The following TMEM156 variants were observed in gnomAD, a reference collection of about 807,000 sequenced individuals.
TMEM156 encodes the protein transmembrane protein 156.
TMEM156 carries 28 observed loss-of-function variants against 30.5 expected under a neutral mutation model. The ratio of observed to expected loss-of-function variants is 0.92; its 90% CI spans 0.68 to 1.26. The LOEUF is 1.26. Ranked by LOEUF, TMEM156 falls within the 50% of genes most tolerant of loss-of-function variation. The pLI, the probability that TMEM156 is intolerant of heterozygous loss-of-function variation, is 0.00. For synonymous variants in TMEM156, 137 were observed against 119.9 expected, an observed-to-expected ratio of 1.14 and a Z score of -0.93; for missense variants, 351 against 340.6, an observed-to-expected ratio of 1.03 and a Z score of -0.24.
intron 4 of TMEM156, among the ~76,000 whole-genome samples, chr4:38,987,406 T>C (rs1406668123): frequency 6.6e-6 from 1 of 152,212 alleles, no homozygotes; most frequent in Non-Finnish European, 1.5e-5. Flanking sequence ...TAAACAGTAT[T>C]GATTATGTTA....
chr4:38,986,853 G>GAAAAAAAAAAAAAAAAAA, intron 4 of TMEM156, among the ~76,000 whole-genome samples: 1 of 84,124 alleles, frequency 1.2e-5, no homozygotes, highest in Non-Finnish European at 2.4e-5. Context: ...AAAAAAAAAG[G>GAAAAAAAAAAAAAAAAAA]AAAGCGACAG....
At chr4:39,014,794 T>C (rs1263991507) in intron 1 of TMEM156, among the ~76,000 whole-genome samples, 4 of 150,820 alleles carry the variant, frequency 2.7e-5, no homozygotes, top group Non-Finnish European at 1.5e-5. Context: ...AATTTCCCAG[T>C]AAATAAAATT....
chr4:38,968,825 T>G (rs565639579), intron 6 of TMEM156, among the ~76,000 whole-genome samples: 1 of 152,258 alleles, frequency 6.6e-6, no homozygotes, highest in Admixed American at 6.5e-5. Context: ...TGGATCCCTT[T>G]GGCTGCCTCT....
chr4:38,980,794 T>C (rs760336887), intron 5 of TMEM156: 237 of 310,984 alleles, frequency 7.6e-4, no homozygotes, highest in Non-Finnish European at 1.0e-3. Context: ...GGGAGCAGGT[T>C]TGTAGAGGGT....
intron 1 of TMEM156, among the ~76,000 whole-genome samples, chr4:39,008,883 A>G (rs1185339906): frequency 6.6e-6 from 1 of 152,140 alleles, no homozygotes; most frequent in Non-Finnish European, 1.5e-5. Context: ...ACCCAAAGCT[A>G]TCAGAAACAA....
chr4:39,013,106 C>T (rs1349775176), intron 1 of TMEM156, among the ~76,000 whole-genome samples: 2 of 151,418 alleles, frequency 1.3e-5, no homozygotes, highest in African/African-American at 4.8e-5. Flanking sequence ...CGCGGCCAGT[C>T]TGGGTAACAA....
intron 1 of TMEM156, among the ~76,000 whole-genome samples, chr4:39,016,316 T>C (rs1714478946): frequency 6.7e-6 from 1 of 150,042 alleles, no homozygotes; most frequent in African/African-American, 2.5e-5. Flanking sequence ...GAGGTTGCAG[T>C]GAGCTGAGAT....
In TMEM156 at chr4:39,029,764, C is replaced by A. The variant is rs111849542; in HGVS notation, c.88+2462G>T. 3.6e-3 allele frequency among the ~76,000 whole-genome samples: 461 copies of A among 128,626 alleles called. 13 individuals are homozygous for A. Among genetic ancestry groups the A allele is most frequent in the Non-Finnish European group, 4.4e-3 (239 of 54,196 alleles). The allele number at this position is 128,626 out of a possible 152,430, so 84.4% of individuals were successfully genotyped here. On this transcript the variant is annotated intron_variant, in intron 1 of 6. Coordinates refer to ENST00000381938, the MANE Select transcript of TMEM156 (RefSeq NM_024943.3). ...AAGAACTAATTTTTAAAAACCAAGA[C>A]AATTATGTCCAAGTTTTCTTCATTT...
intron 1 of TMEM156, among the ~76,000 whole-genome samples, chr4:39,013,216 G>A (rs1714240112): frequency 6.6e-6 from 1 of 150,972 alleles, no homozygotes; most frequent in Non-Finnish European, 1.5e-5. Flanking sequence ...TGGGAGGATG[G>A]TTTGAGCCTG....
At chr4:39,028,772 T>C (rs1372953449) in intron 1 of TMEM156, among the ~76,000 whole-genome samples, 1 of 152,178 alleles carries the variant, frequency 6.6e-6, no homozygotes, top group Non-Finnish European at 1.5e-5. Flanking sequence ...TATCCACCAC[T>C]CCCTTTTGTA....
intron 3 of TMEM156, among the ~76,000 whole-genome samples, chr4:38,989,857 T>C (rs1238587281): frequency 1.3e-5 from 2 of 152,184 alleles, no homozygotes; most frequent in African/African-American, 4.8e-5. Flanking sequence ...TGGAGTGCAA[T>C]GGCGCGATCT....
chr4:38,982,560 T>C (rs1486927492), intron 5 of TMEM156, among the ~76,000 whole-genome samples: 1 of 152,246 alleles, frequency 6.6e-6, no homozygotes, highest in Non-Finnish European at 1.5e-5. Flanking sequence ...CCGCTCTTTT[T>C]ACTCTATACT....
At chr4:38,994,513 G>T (rs1712781527) in intron 2 of TMEM156, among the ~76,000 whole-genome samples, 1 of 152,176 alleles carries the variant, frequency 6.6e-6, no homozygotes, top group Admixed American at 6.5e-5. Flanking sequence ...GCATCTAAAA[G>T]AAAATACACA....
chr4:38,991,892 C>CTCAA (rs1712492278), intron 3 of TMEM156, among the ~76,000 whole-genome samples: 1 of 152,130 alleles, frequency 6.6e-6, no homozygotes, highest in African/African-American at 2.4e-5. Context: ...TCATTCACTC[C>CTCAA]TCAATCAGAG....
chr4:38,986,369 T>C lies in TMEM156; in HGVS notation c.790A>G (p.Lys264Glu). 1 of 1,613,994 alleles carries C rather than the reference T, an allele frequency of 6.2e-7. No homozygotes were observed. Among genetic ancestry groups the C allele is most frequent in the Admixed American group, 1.7e-5 (1 of 60,008 alleles). The change falls in exon 5 of 7, where the codon AAA becomes GAA. Residue 264 changes from lysine to glutamate, a missense_variant. Coordinates refer to ENST00000381938, the MANE Select transcript of TMEM156 (RefSeq NM_024943.3). The stretch of plus-strand genomic sequence containing the variant: ...ACCTGCACATTCAATGCTCTCAGTT[T>C]CTCCGAATCACTTCCTCTTAAGAGA... ...SVLLRGSDSE[K>E]LRALNVQVLS...
chr4:38,999,110 A>ATTTATTTTTTTTTTTTTTTTTTTTT (rs1560372037), intron 1 of TMEM156, among the ~76,000 whole-genome samples: 1 of 106,110 alleles, frequency 9.4e-6, no homozygotes, highest in Non-Finnish European at 1.9e-5. Flanking sequence ...TTATTTATTT[A>ATTTATTTTTTTTTTTTTTTTTTTTT]TTTTTTTTTT....
intron 5 of TMEM156, among the ~76,000 whole-genome samples, chr4:38,972,499 C>T (rs1224621402): frequency 2.0e-5 from 3 of 151,588 alleles, no homozygotes; most frequent in Admixed American, 6.6e-5. Context: ...GATCCACCTG[C>T]CTCGGCCTCC....
intron 1 of TMEM156, among the ~76,000 whole-genome samples, chr4:39,008,851 C>T (rs535976759): frequency 4.6e-5 from 7 of 152,050 alleles, no homozygotes; most frequent in African/African-American, 1.4e-4. Context: ...CCTAGAGGAA[C>T]TAAAACATAA....
At chr4:38,990,834 T>TTTTGTTTTGTTTTGTTTTG (rs1560365302) in intron 3 of TMEM156, among the ~76,000 whole-genome samples, 10 of 56,770 alleles carry the variant, frequency 1.8e-4, no homozygotes, top group African/African-American at 3.4e-4. Context: ...TTTCTGGTTT[T>TTTTGTTTTGTTTTGTTTTG]TTTTTTTTTT....
Sources: gnomAD v4.1 joint callset for allele counts (sites outside exome capture counted in the v4.1 genomes callset) on GRCh38, gnomAD v4.1.1 for gene constraint, MANE v1.5 for transcripts, NCBI Gene and HGNC (gene_info 2026-07-23, HGNC 2026-07-21) for gene names.